COL4A5: variants seen among roughly 807,000 people sequenced by gnomAD.
The protein encoded by COL4A5 is collagen type IV alpha 5 chain.
A neutral mutation model predicts 130.2 loss-of-function variants in COL4A5; 26 were observed. The ratio of observed to expected loss-of-function variants is 0.20; its 90% confidence interval spans 0.15 to 0.28. The LOEUF is 0.28. Ranked by LOEUF, COL4A5 falls within the 10% of genes least tolerant of loss-of-function variation. COL4A5 has a pLI of 1.00. For synonymous variants in COL4A5, 496 were observed against 439.6 expected (o/e 1.13, Z -1.60); for missense variants, 1,131 against 1,344.3 (o/e 0.84, Z 2.48).
intron 4 of COL4A5, among the ~76,000 whole-genome samples, chrX:108,566,488 G>A (rs967336685): frequency 1.8e-5 from 2 of 110,033 alleles, no homozygotes; most frequent in Admixed American, 9.6e-5. Flanking sequence ...CTGATTCCAG[G>A]TTCTTTTTAG....
chrX:108,674,184 T>G (rs1490908351), intron 42 of COL4A5, among the ~76,000 whole-genome samples: 1 of 111,454 alleles, frequency 9.0e-6, no homozygotes, highest in Non-Finnish European at 1.9e-5. Context: ...TATATTCATG[T>G]TTTGATTTTT....
intron 2 of COL4A5, among the ~76,000 whole-genome samples, chrX:108,549,925 C>A (rs996637759): frequency 6.3e-5 from 7 of 111,281 alleles, no homozygotes; most frequent in Non-Finnish European, 1.1e-4. Context: ...GTGAAATGGA[C>A]AAATTCCTTA....
chrX:108,590,078 A>G (rs776286018), intron 19 of COL4A5, among the ~76,000 whole-genome samples: 109 of 112,128 alleles, frequency 9.7e-4, no homozygotes, highest in African/African-American at 3.3e-3. Context: ...TAAAACCACA[A>G]TGAGATACTA....
At chrX:108,441,272 T>C (rs1232195699) in intron 1 of COL4A5, among the ~76,000 whole-genome samples, 1 of 112,571 alleles carries the variant, frequency 8.9e-6, no homozygotes, top group South Asian at 3.7e-4. Context: ...GTGATCATTA[T>C]GGATAGTTTT....
intron 36 of COL4A5, among the ~76,000 whole-genome samples, chrX:108,631,703 A>T (rs1377864196): frequency 8.9e-6 from 1 of 111,786 alleles, no homozygotes; most frequent in Non-Finnish European, 1.9e-5. Flanking sequence ...GACTACATGG[A>T]AACTGAACAA....
At chrX:108,497,707 T>A (rs907875608) in intron 1 of COL4A5, among the ~76,000 whole-genome samples, 7 of 111,836 alleles carry the variant, frequency 6.3e-5, no homozygotes, top group Non-Finnish European at 1.3e-4. Context: ...CTGGACCTAT[T>A]TCTCTCTGGA....
chrX:108,547,798 C>A (rs2065685208), intron 2 of COL4A5, among the ~76,000 whole-genome samples: 1 of 111,834 alleles, frequency 8.9e-6, no homozygotes, highest in African/African-American at 3.3e-5. Context: ...CTACTCAGGC[C>A]TCAGCAATGG....
chrX:108,451,605 G>A (rs2064513575), intron 1 of COL4A5, among the ~76,000 whole-genome samples: 2 of 109,923 alleles, frequency 1.8e-5, no homozygotes, highest in African/African-American at 6.6e-5. Context: ...GTGATGATGA[G>A]CATTTTTTCA....
rs1179493461 is a variant in COL4A5 at position 108,531,386 on chromosome X, A to AAATAAAAAAT, written c.82-8358_82-8357insTAAAAAATAA. ...ATAATGAAATAAATAAATAAAAAAT[A>AAATAAAAAAT]AAATAAATAAATAAATAAAAATTTA... On this transcript the variant is annotated intron_variant, in intron 1 of 52. Transcript: ENST00000328300. Among the ~76,000 whole-genome samples the AAATAAAAAAT allele has an allele frequency of 8.0e-3, 640 of 79,747 alleles. 2 individuals carry two copies. Among genetic ancestry groups the AAATAAAAAAT allele is most frequent in the East Asian group, 0.05 (126 of 2,496 alleles). 69.3% of individuals were successfully genotyped at this position (79,747 alleles called of 115,157 possible).
At chrX:108,695,656 G>A (rs1434383228) in intron 52 of COL4A5, 6 of 410,621 alleles carry the variant, frequency 1.5e-5, no homozygotes, top group Non-Finnish European at 2.1e-5. Flanking sequence ...TAGCTTAGTA[G>A]TAATCCTTCA....
chrX:108,602,050 A>G, intron 27 of COL4A5, 61 bp downstream of exon 27: 1 of 577,261 alleles, frequency 1.7e-6, no homozygotes, highest in Admixed American at 2.8e-5. Context: ...TTATTCTCTC[A>G]TAAAATTCAT....
In COL4A5 at chrX:108,584,486, C is replaced by A. The variant is rs777477617; in HGVS notation, c.993C>A (p.Gly331=). 3.0e-5 allele frequency: 36 copies of A among 1,202,786 alleles called. No individual in the cohort carries two copies. The highest frequency in any genetic ancestry group is 3.7e-5 in the Non-Finnish European group (33 of 891,265). The change falls in exon 18 of 53, where the codon GGC becomes GGA. Residue 331 remains glycine (G), a splice_region_variant and synonymous_variant. Transcript: ENST00000328300. ...TATTTTACAATTGCATTGAACAGGG[C>A]CAAAAAGGTGACACTGGCCCACCTG... ...PGEPGRDGEK[G]QKGDTGPPGP... is the part of the protein sequence containing the mutation.
At chrX:108,601,314 C>CT in intron 25 of COL4A5, 79 bp from the exon 26 acceptor site, 4 of 656,306 alleles carry the variant, frequency 6.1e-6, no homozygotes, top group Non-Finnish European at 9.5e-6. Context: ...TGATAATTTT[C>CT]TTTTTTGTTT....
Position 108,591,207 on chromosome X carries a change from C to T in COL4A5, c.1315C>T (p.Pro439Ser). The T allele has an allele frequency of 2.5e-6, 3 of 1,209,322 alleles. No homozygotes were observed. Among genetic ancestry groups the T allele is most frequent in the Non-Finnish European group, 3.4e-6 (3 of 894,677 alleles). ...GAPGLPGPPG[P>S]AGPHIPPSDE... ...TCCTGGGCTTCCAGGGCCTCCTGGC[C>T]CTGCTGGCCCTCACATTCCTCCTAG... The change falls in exon 20 of 53, where the codon CCT (proline) becomes TCT (serine). Residue 439 changes from proline (P) to serine (S), a missense_variant. Physicochemically the swap from Pro to Ser is moderately conservative, Grantham distance 74. Coordinates refer to ENST00000328300, the MANE Select transcript of COL4A5 (RefSeq NM_033380.3).
chrX:108,581,295 T>C (rs2066244366), intron 16 of COL4A5, among the ~76,000 whole-genome samples: 1 of 112,080 alleles, frequency 8.9e-6, no homozygotes, highest in African/African-American at 3.2e-5. Context: ...TCACAGAGAA[T>C]GGGGTATTCA....
At chrX:108,647,890 T>A (rs1462908178) in intron 36 of COL4A5, among the ~76,000 whole-genome samples, 2 of 111,801 alleles carry the variant, frequency 1.8e-5, no homozygotes, top group East Asian at 5.6e-4. Context: ...CGTTTATTGA[T>A]TTGCGAATGT....
At chrX:108,483,919 G>A (rs2064918329) in intron 1 of COL4A5, among the ~76,000 whole-genome samples, 1 of 111,624 alleles carries the variant, frequency 9.0e-6, no homozygotes, top group African/African-American at 3.3e-5. Flanking sequence ...TCTTCTTTTG[G>A]GAAATGTCTA....
At chrX:108,444,930 T>C (rs185099843) in intron 1 of COL4A5, among the ~76,000 whole-genome samples, 67 of 111,882 alleles carry the variant, frequency 6.0e-4, no homozygotes, top group Non-Finnish European at 7.7e-4. Flanking sequence ...ACATGGAATC[T>C]GACTGGTAGA....
rs2065261691 is a variant in COL4A5 at position 108,521,192 on chromosome X, A to T, written c.82-18554A>T. On this transcript the variant is annotated intron_variant, in intron 1 of 52. Coordinates refer to ENST00000328300, the MANE Select transcript of COL4A5 (RefSeq NM_033380.3). ...ATTCAAGTCATAAACAAATTTCCCT[A>T]ATGGTCCTAAAAAGTCTTTCATAGC... 3.6e-5 allele frequency among the ~76,000 whole-genome samples: 4 copies of T among 111,426 alleles called. No individual in the cohort carries two copies. The South Asian group carries it at 1.5e-3, about 42-fold the overall frequency.
Sources: allele counts gnomAD v4.1 joint callset (sites outside exome capture counted in the v4.1 genomes callset), GRCh38; gene constraint gnomAD v4.1.1; transcripts MANE v1.5; gene names NCBI Gene and HGNC (gene_info 2026-07-23, HGNC 2026-07-21).